The following LMBR1 variants were observed in gnomAD, a reference collection of about 807,000 sequenced individuals.
LMBR1 encodes limb development membrane protein 1.
LMBR1 carries 52 observed loss-of-function variants against 73.9 expected under a neutral mutation model. The ratio of observed to expected loss-of-function variants is 0.70; its 90% CI spans 0.56 to 0.89. The LOEUF is 0.89. Among genes scored for constraint, LMBR1 ranks in the 40% least tolerant of loss-of-function variants. The pLI, the probability that LMBR1 is intolerant of heterozygous loss-of-function variation, is 0.00. For missense variants in LMBR1, 539 were observed against 579.8 expected (o/e 0.93, Z 0.72); for synonymous variants, 215 against 209.4 (o/e 1.03, Z -0.23).
chr7:156,873,610 G>A lies in LMBR1; in HGVS notation c.66+19318C>T, dbSNP rs561384629. 9.9e-4 allele frequency among the ~76,000 whole-genome samples: 151 copies of A among 152,234 alleles called. 1 individual carries two copies. Among genetic ancestry groups the A allele is most frequent in the Middle Eastern group, 6.8e-3 (2 of 294 alleles). The stretch of plus-strand genomic sequence containing the variant: ...TTACAATCCCTGAGCTAGATACAAA[G>A]GTTCTCCACGTCCCCATCAGATTAG... On this transcript the variant is annotated intron_variant, in intron 1 of 16. Transcript: ENST00000353442.
intron 1 of LMBR1, among the ~76,000 whole-genome samples, chr7:156,862,191 C>G (rs985056623): frequency 6.6e-6 from 1 of 152,178 alleles, no homozygotes; most frequent in African/African-American, 2.4e-5. Flanking sequence ...TCATGGTGGA[C>G]AGCAAGAAGG....
At chr7:156,837,170 C>CAAA (rs79674194) in intron 1 of LMBR1, among the ~76,000 whole-genome samples, 5 of 143,480 alleles carry the variant, frequency 3.5e-5, no homozygotes, top group African/African-American at 1.3e-4. Flanking sequence ...CTAAAAAATA[C>CAAA]AAAAAAAAAA....
chr7:156,745,381 A>G lies in LMBR1; in HGVS notation c.757+11012T>C, dbSNP rs554957876. Among the ~76,000 whole-genome samples, 14 of 152,214 alleles carry G rather than the reference A, an allele frequency of 9.2e-5. No individual in the cohort carries two copies. In the East Asian group the frequency reaches 2.7e-3, roughly 29 times the overall value. On this transcript the variant is annotated intron_variant, in intron 9 of 16. Coordinates refer to ENST00000353442, the MANE Select transcript of LMBR1 (RefSeq NM_022458.4). Reference sequence around the variant, plus strand: ...CTTAAACAACTGGTAATTTTTCTCTATCCACCTCTGTTGTTCCCTTCATCT... The same window carrying G: ...CTTAAACAACTGGTAATTTTTCTCTGTCCACCTCTGTTGTTCCCTTCATCT...
At chr7:156,832,927 C>T (rs565836950) in intron 3 of LMBR1, among the ~76,000 whole-genome samples, 125 of 152,272 alleles carry the variant, frequency 8.2e-4, no homozygotes, top group African/African-American at 2.8e-3. Flanking sequence ...GAACTGGATC[C>T]TTTCACTACA....
At chr7:156,784,466 G>A (rs1025963398) in intron 5 of LMBR1, among the ~76,000 whole-genome samples, 1 of 152,078 alleles carries the variant, frequency 6.6e-6, no homozygotes, top group African/African-American at 2.4e-5. Flanking sequence ...CAGTACCCAC[G>A]TTCACTACTT....
At chr7:156,726,849 A>G (rs1434331682) in intron 12 of LMBR1, among the ~76,000 whole-genome samples, 2 of 152,010 alleles carry the variant, frequency 1.3e-5, no homozygotes, top group Non-Finnish European at 2.9e-5. Flanking sequence ...GGAGAAGCAC[A>G]TGTTTATCTC....
intron 4 of LMBR1, among the ~76,000 whole-genome samples, chr7:156,809,547 T>C (rs1158279659): frequency 2.0e-5 from 3 of 152,230 alleles, no homozygotes; most frequent in African/African-American, 7.2e-5. Context: ...TAAATAATTA[T>C]ACTATATTGT....
rs183327028 is a variant in LMBR1, at chr7:156,764,838, A to G, written c.424-1043T>C. Among the ~76,000 whole-genome samples the G allele has an allele frequency of 4.9e-4, 74 of 152,294 alleles. 1 individual carries two copies. The highest frequency in any genetic ancestry group is 1.7e-3 in the African/African-American group (70 of 41,556). On this transcript the variant is annotated intron_variant, in intron 5 of 16. Transcript: ENST00000353442. ...ATAGAAAGGAAAGAAAACGTCCTAAAAGCATGGAGAGGTATACCTAGCCCT... is the reference window on the plus strand; with the variant it reads ...ATAGAAAGGAAAGAAAACGTCCTAAGAGCATGGAGAGGTATACCTAGCCCT...
At chr7:156,817,255 T>G (rs774846532) in intron 4 of LMBR1, among the ~76,000 whole-genome samples, 2 of 152,144 alleles carry the variant, frequency 1.3e-5, no homozygotes, top group Middle Eastern at 3.2e-3. Context: ...AAAGCCTTCA[T>G]GAATTTAAAT....
intron 15 of LMBR1, among the ~76,000 whole-genome samples, chr7:156,714,198 G>C (rs4716654): frequency 0.74 from 111,980 of 152,148 alleles, 42,150 homozygotes; most frequent in African/African-American, 0.91. Flanking sequence ...AAGGAGCGTA[G>C]AGCTTTATGG....
intron 2 of LMBR1, among the ~76,000 whole-genome samples, chr7:156,835,679 A>G (rs535208129): frequency 7.0e-6 from 1 of 142,210 alleles, no homozygotes; most frequent in African/African-American, 2.6e-5. Context: ...TGGGCGACAG[A>G]GTGAGACTCC....
At chr7:156,881,234 C>T (rs1183088821) in intron 1 of LMBR1, among the ~76,000 whole-genome samples, 1 of 152,098 alleles carries the variant, frequency 6.6e-6, no homozygotes, top group African/African-American at 2.4e-5. Flanking sequence ...AAATAATACA[C>T]AACGGGGAAA....
chr7:156,729,130 T>A (rs1353085350), intron 10 of LMBR1, among the ~76,000 whole-genome samples: 1 of 152,134 alleles, frequency 6.6e-6, no homozygotes, highest in African/African-American at 2.4e-5. Flanking sequence ...AGGCACGAAC[T>A]ACGATACCCA....
At chr7:156,696,538 C>G (rs533477583) in intron 15 of LMBR1, among the ~76,000 whole-genome samples, 6 of 152,238 alleles carry the variant, frequency 3.9e-5, no homozygotes, top group African/African-American at 1.4e-4. Flanking sequence ...AGGAAGGCCT[C>G]ACAGTCATGG....
chr7:156,803,696 A>T (rs1831447256), intron 4 of LMBR1, among the ~76,000 whole-genome samples: 1 of 152,084 alleles, frequency 6.6e-6, no homozygotes, highest in Non-Finnish European at 1.5e-5. Context: ...ATGCACACGT[A>T]TGTTTATTGT....
Position 156,853,768 on chromosome 7 carries a change from G to A in LMBR1, c.67-16883C>T, listed in dbSNP as rs367885094. Among the ~76,000 whole-genome samples, 24 of 152,004 alleles carry A rather than the reference G, an allele frequency of 1.6e-4. No individual in the cohort carries two copies. In the East Asian group the frequency reaches 2.5e-3, roughly 16 times the overall value. The stretch of plus-strand genomic sequence containing the variant: ...CTTCCTGGGTTCAAGGAATTCTCCC[G>A]CCTCAGCCTCCCAAGTAGCTGGGAT... On this transcript the variant is annotated intron_variant, in intron 1 of 16. Transcript: ENST00000353442.
chr7:156,879,681 A>AAAAAG (rs57374545), intron 1 of LMBR1, among the ~76,000 whole-genome samples: 1 of 151,232 alleles, frequency 6.6e-6, no homozygotes. Flanking sequence ...AAAAAAAAAA[A>AAAAAG]GTGGGCTAAG....
At chr7:156,812,132 T>C (rs1240599988) in intron 4 of LMBR1, among the ~76,000 whole-genome samples, 1 of 152,226 alleles carries the variant, frequency 6.6e-6, no homozygotes, top group Non-Finnish European at 1.5e-5. Context: ...CACATCCTGA[T>C]GTTCTGAGTG....
intron 5 of LMBR1, among the ~76,000 whole-genome samples, chr7:156,778,277 T>C (rs1826510609): frequency 6.6e-6 from 1 of 151,812 alleles, no homozygotes. Flanking sequence ...TCAACAATAC[T>C]AATAGAAAAG....
Sources: gnomAD v4.1 joint callset for allele counts (sites outside exome capture counted in the v4.1 genomes callset) on GRCh38, gnomAD v4.1.1 for gene constraint, MANE v1.5 for transcripts, NCBI Gene and HGNC (gene_info 2026-07-23, HGNC 2026-07-21) for gene names.